BAG3: variants seen among roughly 807,000 people sequenced by gnomAD.
The protein encoded by BAG3 is BAG family molecular chaperone regulator 3.
Under a neutral mutation model 40.5 loss-of-function variants are expected in BAG3, and 14 were observed. The observed-to-expected ratio is 0.35, with a 90% CI of 0.23 to 0.54. BAG3 has a LOEUF of 0.54. Among genes scored for constraint, BAG3 ranks in the 20% least tolerant of loss-of-function variants. BAG3 has a pLI of 0.91. For synonymous variants in BAG3, 302 were observed against 307.8 expected, an observed-to-expected ratio of 0.98 and a Z score of 0.20; for missense variants, 788 against 758.6, an observed-to-expected ratio of 1.04 and a Z score of -0.46.
intron 1 of BAG3, among the ~76,000 whole-genome samples, chr10:119,652,237 G>A (rs1000652314): frequency 1.3e-5 from 2 of 152,062 alleles, no homozygotes; most frequent in African/African-American, 2.4e-5. Flanking sequence ...GGCCCACCGT[G>A]GCCCCTGCTG....
intron 1 of BAG3, among the ~76,000 whole-genome samples, chr10:119,655,936 T>C (rs1846903397): frequency 6.6e-6 from 1 of 152,178 alleles, no homozygotes; most frequent in Non-Finnish European, 1.5e-5. Flanking sequence ...TGTTGGATGC[T>C]ATCAGGGCTG....
chr10:119,660,905 C>A (rs2134056757), intron 1 of BAG3, among the ~76,000 whole-genome samples: 1 of 151,726 alleles, frequency 6.6e-6, no homozygotes, highest in East Asian at 2.0e-4. Flanking sequence ...ACCATCCTGG[C>A]CAACATGGTG....
chr10:119,659,472 A>G (rs1414927881), intron 1 of BAG3, among the ~76,000 whole-genome samples: 1 of 152,116 alleles, frequency 6.6e-6, no homozygotes, highest in Non-Finnish European at 1.5e-5. Context: ...GTCACCGCAG[A>G]TGGAAGGAAG....
intron 1 of BAG3, among the ~76,000 whole-genome samples, chr10:119,662,015 G>C (rs1846997494): frequency 6.6e-6 from 1 of 152,080 alleles, no homozygotes; most frequent in African/African-American, 2.4e-5. Flanking sequence ...TCGGTAGGGT[G>C]CTGAAGCTCG....
intron 1 of BAG3, among the ~76,000 whole-genome samples, chr10:119,658,141 A>AT (rs1003059158): frequency 2.0e-5 from 3 of 152,196 alleles, no homozygotes; most frequent in African/African-American, 4.8e-5. Context: ...AGAATTATAT[A>AT]TTTTTTTCAG....
chr10:119,658,055 C>T lies in BAG3; in HGVS notation c.180+6200C>T, dbSNP rs959904209. Among the ~76,000 whole-genome samples the T allele has an allele frequency of 2.6e-5, 4 of 152,222 alleles. No homozygotes were observed. The East Asian group carries it at 5.8e-4, about 22-fold the overall frequency. ...CCCAGTGAACTGGGGAGACTTTTTA[C>T]GGAAAATTCCTTAGCATTCAATTGG... On this transcript the variant is annotated intron_variant, in intron 1 of 3. Transcript: ENST00000369085.
At chr10:119,659,770 A>G (rs1427354096) in intron 1 of BAG3, among the ~76,000 whole-genome samples, 1 of 152,240 alleles carries the variant, frequency 6.6e-6, no homozygotes, top group Admixed American at 6.5e-5. Context: ...GTGGCTGACC[A>G]TTCCATTTAG....
chr10:119,665,141 T>TTC (rs770421648), intron 1 of BAG3, among the ~76,000 whole-genome samples: 17 of 85,906 alleles, frequency 2.0e-4, no homozygotes, highest in African/African-American at 5.4e-4. Flanking sequence ...TATATATATA[T>TTC]ATATTTTTTT....
At chr10:119,659,442 CA>C (rs919516619) in intron 1 of BAG3, among the ~76,000 whole-genome samples, 5 of 152,182 alleles carry the variant, frequency 3.3e-5, no homozygotes, top group African/African-American at 1.2e-4. Context: ...CTTCTGGACC[CA>C]GCTCTCAGGG....
chr10:119,651,558 C>T lies in BAG3; in HGVS notation c.-118C>T. 3.0e-6 allele frequency: 3 copies of T among 1,010,356 alleles called. No individual in the cohort carries two copies. In the South Asian group the frequency reaches 7.6e-5, roughly 26 times the overall value. The allele number at this position is 1,010,356 out of a possible 1,614,324, so 62.6% of individuals were successfully genotyped here. ...CTTTAATTCATAAAGGTGCCCGGCGCCGGCTTCCCGGACACGTCGGCGGCG... is the reference window on the plus strand; with the variant it reads ...CTTTAATTCATAAAGGTGCCCGGCGTCGGCTTCCCGGACACGTCGGCGGCG... On this transcript the variant is annotated 5_prime_UTR_variant, in exon 1 of 4. Transcript: ENST00000369085.
At chr10:119,667,202 C>G (rs1344426552) in intron 1 of BAG3, among the ~76,000 whole-genome samples, 2 of 152,246 alleles carry the variant, frequency 1.3e-5, no homozygotes, top group East Asian at 3.9e-4. Flanking sequence ...GTCTTGAACT[C>G]CTGACCTCAG....
At position 119,653,222 on chromosome 10, in the gene BAG3, A is replaced by T. The variant is rs1055715659; in HGVS notation, c.180+1367A>T. 3.3e-5 allele frequency among the ~76,000 whole-genome samples: 5 copies of T among 152,352 alleles called. No individual in the cohort carries two copies. In the South Asian group the frequency reaches 1.0e-3, roughly 32 times the overall value. On this transcript the variant is annotated intron_variant, in intron 1 of 3. Coordinates refer to ENST00000369085, the MANE Select transcript of BAG3 (RefSeq NM_004281.4). ...TGTATATTTATTCTTGAAAATTAGTACAAGAGGCTGTAATTAGCTGGGATG... is the reference window on the plus strand; with the variant it reads ...TGTATATTTATTCTTGAAAATTAGTTCAAGAGGCTGTAATTAGCTGGGATG...
chr10:119,667,334 C>T (rs1441870737), intron 1 of BAG3, among the ~76,000 whole-genome samples: 1 of 152,142 alleles, frequency 6.6e-6, no homozygotes, highest in Non-Finnish European at 1.5e-5. Flanking sequence ...TAATTTTGTG[C>T]GTATTTAGGG....
chr10:119,671,727 A>G (rs1204749308), intron 2 of BAG3, among the ~76,000 whole-genome samples: 3 of 152,224 alleles, frequency 2.0e-5, no homozygotes, highest in African/African-American at 7.2e-5. Flanking sequence ...ATTTGAACAT[A>G]GGCCCCTTGA....
intron 1 of BAG3, among the ~76,000 whole-genome samples, chr10:119,660,633 C>G (rs1011207508): frequency 1.3e-5 from 2 of 148,440 alleles, no homozygotes; most frequent in African/African-American, 5.0e-5. Flanking sequence ...ATCACTTGAG[C>G]CCGGGAGTTC....
intron 1 of BAG3, among the ~76,000 whole-genome samples, chr10:119,667,826 T>C (rs1025281677): frequency 2.0e-5 from 3 of 152,164 alleles, no homozygotes; most frequent in African/African-American, 7.2e-5. Flanking sequence ...GAAGAAACAA[T>C]GAGCCCCTGG....
chr10:119,677,104 C>T lies in BAG3; in HGVS notation c.1550C>T (p.Ala517Val). The T allele has an allele frequency of 6.2e-7, 1 of 1,614,178 alleles. No homozygotes were observed. The highest frequency in any genetic ancestry group is 8.5e-7 in the Non-Finnish European group (1 of 1,180,036). ...VYELQPSNLE[A>V]DQPLQAIMEM... The stretch of plus-strand genomic sequence containing the variant: ...GAACTCCAGCCCAGCAACCTTGAAG[C>T]AGATCAGCCACTGCAGGCAATCATG... The change falls in exon 4 of 4, where the codon GCA becomes GTA. Residue 517 changes from alanine to valine, a missense_variant. Coordinates refer to ENST00000369085, the MANE Select transcript of BAG3 (RefSeq NM_004281.4).
chr10:119,668,490 A>G (rs1424597279), intron 1 of BAG3, among the ~76,000 whole-genome samples: 1 of 152,218 alleles, frequency 6.6e-6, no homozygotes, highest in African/African-American at 2.4e-5. Flanking sequence ...TTACACAGAT[A>G]TATGCAAATG....
In BAG3 at chr10:119,677,160, A is replaced by C; in HGVS notation, c.1606A>C (p.Lys536Gln). The change falls in exon 4 of 4, where the codon AAG becomes CAG. Residue 536 changes from lysine to glutamine, a missense_variant. Lys to Gln is a moderately conservative substitution (Grantham distance 53). Transcript: ENST00000369085. ...EMGAVAADKG[K>Q]KNAGNAEDPH... ...GGGTGCCGTGGCAGCAGACAAGGGCAAGAAAAATGCTGGAAATGCAGAAGA... is the reference window on the plus strand; with the variant it reads ...GGGTGCCGTGGCAGCAGACAAGGGCCAGAAAAATGCTGGAAATGCAGAAGA... 1 of 1,614,144 alleles carries C rather than the reference A, an allele frequency of 6.2e-7. No individual in the cohort carries two copies.
Sources: allele counts gnomAD v4.1 joint callset (sites outside exome capture counted in the v4.1 genomes callset), GRCh38; gene constraint gnomAD v4.1.1; transcripts MANE v1.5; gene names NCBI Gene and HGNC (gene_info 2026-07-23, HGNC 2026-07-21).